Variants in NBAS observed in about 807,000 individuals in gnomAD.
NBAS encodes NAG/BC035112 fusion.
Under a neutral mutation model 302.5 loss-of-function variants are expected in NBAS, and 219 were observed. That is an observed-to-expected ratio of 0.72 (90% confidence interval 0.65 to 0.81). The LOEUF is 0.81. NBAS is among the 30% of genes least tolerant of loss of function. NBAS has a pLI of 0.00. For missense variants in NBAS, 2,932 were observed against 2,841.6 expected, an observed-to-expected ratio of 1.03 and a Z score of -0.72; for synonymous variants, 1,118 against 1,021.6, an observed-to-expected ratio of 1.09 and a Z score of -1.80.
At chr2:14,977,171 A>T in the NBAS span, among the ~76,000 whole-genome samples, 1 of 152,292 alleles carries the variant, frequency 6.6e-6, no homozygotes, top group Middle Eastern at 3.4e-3. Context: ...AATTAAAAGT[A>T]AAAAAATGCT....
Position 15,308,260 on chromosome 2 carries a change from G to A in NBAS, c.4753C>T (p.Arg1585Ter), listed in dbSNP as rs765420811. The change falls in exon 40 of 52, where the codon CGA becomes TGA. Residue 1585 changes from arginine to a stop codon, truncating the protein, a stop_gained. Coordinates refer to ENST00000281513, the MANE Select transcript of NBAS (RefSeq NM_015909.4). LOFTEE classifies it high-confidence loss of function. Reference sequence around the variant, plus strand: ...TTGTCCCTGAAACATGGGGCCAATCGGGCATAGATCTGGAGGCTATAGTAA... The same window carrying A: ...TTGTCCCTGAAACATGGGGCCAATCAGGCATAGATCTGGAGGCTATAGTAA... Reference protein sequence around the residue: ...AYYYSLQIYARLAPCFRDKCH... With the variant: ...AYYYSLQIYA The A allele has an allele frequency of 5.0e-6, 8 of 1,614,038 alleles. No homozygotes were observed. The highest frequency in any genetic ancestry group is 1.6e-4 in the Middle Eastern group (1 of 6,084).
the NBAS span, among the ~76,000 whole-genome samples, chr2:14,809,018 G>A: frequency 6.6e-6 from 1 of 152,198 alleles, no homozygotes; most frequent in South Asian, 2.1e-4. Flanking sequence ...GAGAGAAGAT[G>A]TAGAGTATCT....
chr2:15,108,303 G>C, the NBAS span, among the ~76,000 whole-genome samples: 5 of 152,072 alleles, frequency 3.3e-5, no homozygotes, highest in Non-Finnish European at 7.4e-5. Flanking sequence ...CAACAATGGA[G>C]AATATCATTA....
At chr2:15,514,291 T>C (rs1408808229) in intron 9 of NBAS, among the ~76,000 whole-genome samples, 1 of 152,178 alleles carries the variant, frequency 6.6e-6, no homozygotes, top group Non-Finnish European at 1.5e-5. Context: ...CTTTTGTACA[T>C]GCTTCAAATT....
intron 47 of NBAS, among the ~76,000 whole-genome samples, chr2:15,219,845 C>T (rs1191442885): frequency 6.8e-6 from 1 of 146,980 alleles, no homozygotes; most frequent in East Asian, 2.1e-4. Flanking sequence ...CTGGGCACAC[C>T]TCCCAGACGG....
At chr2:15,424,557 G>A in intron 22 of NBAS, 89 bp from the exon 23 acceptor site, 2 of 1,455,238 alleles carry the variant, frequency 1.4e-6, no homozygotes, top group Admixed American at 1.7e-5. Context: ...ACAGAGATGG[G>A]GAGAAAGTAA....
At chr2:14,962,229 G>A in the NBAS span, among the ~76,000 whole-genome samples, 1 of 152,164 alleles carries the variant, frequency 6.6e-6, no homozygotes, top group Non-Finnish European at 1.5e-5. Flanking sequence ...GCATATGTAG[G>A]CACATGTCTG....
the NBAS span, among the ~76,000 whole-genome samples, chr2:15,127,431 T>C: frequency 6.6e-6 from 1 of 152,214 alleles, no homozygotes. Flanking sequence ...GTTACTTTAA[T>C]CTTCTGGCTT....
In NBAS at chr2:15,276,942, C is replaced by T; in HGVS notation, c.5298G>A (p.Leu1766=). 6.2e-7 allele frequency: 1 copy of T among 1,614,040 alleles called. No individual in the cohort carries two copies. The highest frequency in any genetic ancestry group is 1.3e-5 in the African/African-American group (1 of 75,022). Residue 1766 remains leucine (L), a synonymous_variant, in exon 43 of 52, where the codon CTG becomes CTA. Coordinates refer to ENST00000281513, the MANE Select transcript of NBAS (RefSeq NM_015909.4). ...HERLQYYFTL[L]ENCGCADLGN... is the part of the protein sequence containing the mutation. ...CCAAATCTGCACAGCCACAGTTTTC[C>T]AGAAGAGTGAAATAATACTGCAGCC...
intron 21 of NBAS, among the ~76,000 whole-genome samples, chr2:15,442,413 A>C (rs1484628283): frequency 4.6e-5 from 7 of 150,834 alleles, no homozygotes; most frequent in East Asian, 3.9e-4. Flanking sequence ...CTGGGTACAT[A>C]ACAAAATGAA....
chr2:14,823,096 C>T, the NBAS span, among the ~76,000 whole-genome samples: 5 of 152,114 alleles, frequency 3.3e-5, no homozygotes, highest in East Asian at 7.7e-4. Flanking sequence ...ATTTTTTTAA[C>T]AAAATATACT....
the NBAS span, among the ~76,000 whole-genome samples, chr2:14,863,278 T>G: frequency 6.6e-6 from 1 of 152,128 alleles, no homozygotes; most frequent in East Asian, 1.9e-4. Flanking sequence ...GCAACAAGAC[T>G]GTTTATTCAC....
intron 31 of NBAS, among the ~76,000 whole-genome samples, chr2:15,368,019 C>A (rs1221004614): frequency 6.6e-6 from 1 of 152,068 alleles, no homozygotes; most frequent in East Asian, 1.9e-4. Flanking sequence ...CAAATACATA[C>A]ACATATTTAT....
chr2:15,513,558 C>G (rs528561032), intron 9 of NBAS, among the ~76,000 whole-genome samples: 12 of 148,472 alleles, frequency 8.1e-5, no homozygotes, highest in African/African-American at 3.0e-4. Context: ...TACAAAGATG[C>G]AATCAACAAA....
chr2:15,420,358 C>G (rs1174412738), intron 23 of NBAS, among the ~76,000 whole-genome samples: 4 of 152,142 alleles, frequency 2.6e-5, no homozygotes, highest in African/African-American at 9.7e-5. Flanking sequence ...TGAGTGCGGT[C>G]TCAGCAGGGC....
the NBAS span, among the ~76,000 whole-genome samples, chr2:14,840,800 GA>G: frequency 6.6e-6 from 1 of 151,912 alleles, no homozygotes; most frequent in Non-Finnish European, 1.5e-5. Context: ...CAATTTGAAA[GA>G]AAAGAAAACA....
the NBAS span, among the ~76,000 whole-genome samples, chr2:15,002,219 A>G: frequency 1.3e-5 from 2 of 151,678 alleles, no homozygotes; most frequent in Non-Finnish European, 2.9e-5. Flanking sequence ...GTGTTTACAA[A>G]CCTTGAGCTA....
At chr2:15,167,418 C>A in intron 51 of NBAS, 95 bp from the exon 52 acceptor site, 1 of 1,472,450 alleles carries the variant, frequency 6.8e-7, no homozygotes, top group Non-Finnish European at 9.4e-7. Flanking sequence ...CCTTCATCAT[C>A]ATTCATGCCC....
At chr2:15,445,369 A>G (rs1412052266) in intron 21 of NBAS, among the ~76,000 whole-genome samples, 6 of 149,432 alleles carry the variant, frequency 4.0e-5, no homozygotes, top group Admixed American at 2.7e-4. Flanking sequence ...CATGGATGAA[A>G]TTGGAAATCA....
Sources: allele counts gnomAD v4.1 joint callset (sites outside exome capture counted in the v4.1 genomes callset), GRCh38; gene constraint gnomAD v4.1.1; transcripts MANE v1.5; gene names NCBI Gene and HGNC (gene_info 2026-07-23, HGNC 2026-07-21).